The following SLAMF9 variants were observed in gnomAD, a reference collection of about 807,000 sequenced individuals.
SLAMF9 encodes CD2 family member 10.
Under a neutral mutation model 30.4 loss-of-function variants are expected in SLAMF9, and 25 were observed. The observed-to-expected ratio is 0.82, with a 90% confidence interval of 0.60 to 1.15. SLAMF9 has a LOEUF of 1.15. Ranked by LOEUF, SLAMF9 falls within the 50% of genes most tolerant of loss-of-function variation. SLAMF9 has a pLI of 0.00. For missense variants in SLAMF9, 344 were observed against 346.1 expected, an observed-to-expected ratio of 0.99 and a Z score of 0.05; for synonymous variants, 129 against 127.2, an observed-to-expected ratio of 1.01 and a Z score of -0.09.
the SLAMF9 span, chr1:159,983,694 T>A: frequency 2.6e-5 from 4 of 152,258 alleles, no homozygotes; most frequent in African/African-American, 9.6e-5. Flanking sequence ...TTAATCCTCG[T>A]GGCAAGGCAG....
chr1:159,953,494 T>C lies in SLAMF9; in HGVS notation c.206A>G (p.Glu69Gly), dbSNP rs1465146156. 1 of 1,614,198 alleles carries C rather than the reference T, an allele frequency of 6.2e-7. No homozygotes were observed. The highest frequency in any genetic ancestry group is 1.1e-5 in the South Asian group (1 of 91,086). Residue 69 changes from glutamate to glycine, a missense_variant, in exon 2 of 4, where the codon GAG becomes GGG. By Grantham distance (98) the Glu-to-Gly change is moderately conservative. Coordinates refer to ENST00000368093, the MANE Select transcript of SLAMF9 (RefSeq NM_033438.4). ...CACCATGATGGTAGCTGGATGTCCCTCTTTCCCTGGCACCACAGTGGCAAG... is the reference window on the plus strand; with the variant it reads ...CACCATGATGGTAGCTGGATGTCCCCCTTTCCCTGGCACCACAGTGGCAAG... ...KSLATVVPGKEGHPATIMVTN... is the reference protein window; with the variant it reads ...KSLATVVPGKGGHPATIMVTN...
chr1:159,969,932 C>T, the SLAMF9 span, among the ~76,000 whole-genome samples: 1 of 152,000 alleles, frequency 6.6e-6, no homozygotes, highest in African/African-American at 2.4e-5. Flanking sequence ...CTTCTGTAGT[C>T]CCAGCTACTC....
At chr1:159,982,964 G>C in the SLAMF9 span, 2 of 152,418 alleles carry the variant, frequency 1.3e-5, no homozygotes, top group African/African-American at 4.8e-5. Context: ...GGGAGGCAGA[G>C]GTTGCAGTGA....
upstream of SLAMF9, among the ~76,000 whole-genome samples, chr1:159,956,883 G>C (rs1311483929): frequency 6.6e-6 from 1 of 151,952 alleles, no homozygotes; most frequent in African/African-American, 2.4e-5. Context: ...ACTTTGGGAG[G>C]CCGAGGCGGG....
At chr1:159,953,957 A>T (rs1215497593) in intron 1 of SLAMF9, 135 bp downstream of exon 1, 1 of 1,069,704 alleles carries the variant, frequency 9.3e-7, no homozygotes, top group Non-Finnish European at 1.4e-6. Flanking sequence ...GAAGCCACAC[A>T]CCCTACTCCT....
upstream of SLAMF9, among the ~76,000 whole-genome samples, chr1:159,955,954 TA>T (rs145718716): frequency 4.8e-3 from 731 of 152,322 alleles, 4 homozygotes; most frequent in African/African-American, 0.017. Context: ...TTTTATGTAA[TA>T]AATCTGTTTA....
the SLAMF9 span, chr1:159,983,312 T>G: frequency 0.13 from 19,675 of 152,162 alleles, 1,306 homozygotes; most frequent in Middle Eastern, 0.21. Context: ...CTGTTGGTTG[T>G]AATGCAGCAC....
chr1:159,952,289 G>A lies in SLAMF9; in HGVS notation c.637C>T (p.Pro213Ser). ...NNPISNVSSCPIPDGPFYADP... is the reference protein window; with the variant it reads ...NNPISNVSSCSIPDGPFYADP... The stretch of plus-strand genomic sequence containing the variant: ...GCATAGAAGGGCCCATCAGGGATGG[G>A]GCAAGAACTGACGTTGCTGATGGGG... The change falls in exon 3 of 4, where the codon CCC (proline) becomes TCC (serine). Residue 213 changes from proline to serine, a missense_variant. Transcript: ENST00000368093. The A allele has an allele frequency of 6.2e-7, 1 of 1,614,066 alleles. No individual in the cohort carries two copies. The highest frequency in any genetic ancestry group is 8.5e-7 in the Non-Finnish European group (1 of 1,180,004).
At chr1:159,954,445 TA>T (rs1651880011), upstream of SLAMF9, among the ~76,000 whole-genome samples, 1 of 152,154 alleles carries the variant, frequency 6.6e-6, no homozygotes, top group Non-Finnish European at 1.5e-5. Context: ...CAAGACTTCC[TA>T]CCCGCCCCAG....
chr1:159,972,814 G>C, the SLAMF9 span: 1 of 867,192 alleles, frequency 1.2e-6, no homozygotes, highest in Non-Finnish European at 1.6e-6. Context: ...CCGTGGTGCA[G>C]AGTGAGCACA....
the SLAMF9 span, among the ~76,000 whole-genome samples, chr1:159,960,212 G>A: frequency 4.8e-5 from 6 of 126,122 alleles, no homozygotes; most frequent in Admixed American, 2.1e-4. Context: ...TCCCCATCCT[G>A]TGTCCAAGTG....
chr1:159,968,720 A>G, the SLAMF9 span, among the ~76,000 whole-genome samples: 3 of 152,240 alleles, frequency 2.0e-5, no homozygotes, highest in African/African-American at 7.2e-5. Context: ...CACACCAACA[A>G]TGGAGACATT....
At chr1:159,956,891 G>T (rs556780303), upstream of SLAMF9, among the ~76,000 whole-genome samples, 1 of 151,712 alleles carries the variant, frequency 6.6e-6, no homozygotes, top group Non-Finnish European at 1.5e-5. Flanking sequence ...AGGCCGAGGC[G>T]GGGGGATCAC....
chr1:159,951,548 C>G lies in SLAMF9; in HGVS notation c.*113G>C, dbSNP rs755631790. 2.5e-5 allele frequency: 24 copies of G among 957,990 alleles called. No homozygotes were observed. The highest frequency in any genetic ancestry group is 3.6e-5 in the Non-Finnish European group (23 of 633,522). 59.3% of individuals were successfully genotyped at this position (957,990 alleles called of 1,614,324 possible). ...CCAGTCTTCCCTCAGAAGTATGGCT[C>G]TCTGGATACCCACCCCTGAGCACCT... On this transcript the variant is annotated 3_prime_UTR_variant, in exon 4 of 4. Transcript: ENST00000368093.
chr1:159,953,971 A>AAC, intron 1 of SLAMF9, 121 bp downstream of exon 1: 4 of 1,235,132 alleles, frequency 3.2e-6, no homozygotes, highest in South Asian at 1.4e-5. Context: ...TACTCCTTGT[A>AAC]ACTCCAGAAG....
At chr1:159,977,614 G>A in the SLAMF9 span, among the ~76,000 whole-genome samples, 11 of 152,338 alleles carry the variant, frequency 7.2e-5, no homozygotes, top group East Asian at 2.1e-3. Flanking sequence ...GGAAGAAAAT[G>A]ACCAAAGAAA....
chr1:159,976,912 A>AG, the SLAMF9 span: 1 of 59,500 alleles, frequency 1.7e-5, no homozygotes, highest in Non-Finnish European at 3.3e-5. Flanking sequence ...AGGAAAGAAA[A>AG]AAAGAAAGAA....
the SLAMF9 span, among the ~76,000 whole-genome samples, chr1:159,977,555 A>G: frequency 1.4e-4 from 21 of 152,240 alleles, no homozygotes; most frequent in African/African-American, 4.8e-4. Flanking sequence ...TCCTTCAGCT[A>G]CTGCTGGTAG....
chr1:159,953,349 G>A lies in SLAMF9; in HGVS notation c.351C>T (p.Ser117=), dbSNP rs1358937167. ...TGTACTGCTGCATGGTAGAGATCTG[G>A]GATGTTCTCAGGTTGACTTGAGCTT... is the stretch of plus-strand genomic sequence containing the variant. ...LYQAQVNLRT[S]QISTMQQYNI... is the part of the protein sequence containing the mutation. The change falls in exon 2 of 4, where the codon TCC becomes TCT. Residue 117 remains serine, a synonymous_variant. Coordinates refer to ENST00000368093, the MANE Select transcript of SLAMF9 (RefSeq NM_033438.4). 10 of 1,612,652 alleles carry A rather than the reference G, an allele frequency of 6.2e-6. 1 individual carries two copies. Among genetic ancestry groups the A allele is most frequent in the Middle Eastern group, 1.7e-4 (1 of 6,058 alleles).
Sources: allele counts gnomAD v4.1 joint callset (sites outside exome capture counted in the v4.1 genomes callset), GRCh38; gene constraint gnomAD v4.1.1; transcripts MANE v1.5; gene names NCBI Gene and HGNC (gene_info 2026-07-23, HGNC 2026-07-21).